ELAVL4: variants seen among roughly 807,000 people sequenced by gnomAD.
The protein encoded by ELAVL4 is ELAV-like protein 4.
ELAVL4 carries 1 observed loss-of-function variant against 35.6 expected under a neutral mutation model. The observed-to-expected ratio is 0.03, with a 90% confidence interval of 0.01 to 0.13. The LOEUF (loss-of-function observed/expected upper bound fraction) is 0.13. Among genes scored for constraint, ELAVL4 ranks in the 10% least tolerant of loss-of-function variants. The probability of loss-of-function intolerance (pLI) is 1.00; values close to 1 mark genes in which losing one functional copy is unlikely to be tolerated. For synonymous variants in ELAVL4, 156 were observed against 171.0 expected (o/e 0.91, Z 0.69); for missense variants, 267 against 464.9 (o/e 0.57, Z 3.91).
intron 2 of ELAVL4, among the ~76,000 whole-genome samples, chr1:50,175,116 T>G (rs1679762998): frequency 6.6e-6 from 1 of 152,214 alleles, no homozygotes; most frequent in Non-Finnish European, 1.5e-5. Context: ...GGTGAATGTT[T>G]TTAAAAAGTG....
intron 2 of ELAVL4, among the ~76,000 whole-genome samples, chr1:50,170,321 G>A (rs575323109): frequency 1.3e-5 from 2 of 152,262 alleles, no homozygotes; most frequent in East Asian, 1.9e-4. Flanking sequence ...GCAGAAAGAC[G>A]CAAAGTAAGA....
At chr1:50,088,903 T>A (rs549242538) in intron 1 of ELAVL4, among the ~76,000 whole-genome samples, 4 of 126,648 alleles carry the variant, frequency 3.2e-5, no homozygotes, top group Non-Finnish European at 4.9e-5. Context: ...GTGTTTCAGA[T>A]CCATTCAAAT....
Position 50,123,983 on chromosome 1 carries a change from A to G in ELAVL4, c.9+14785A>G, listed in dbSNP as rs959089100. Among the ~76,000 whole-genome samples, 8 of 152,108 alleles carry G rather than the reference A, an allele frequency of 5.3e-5. No individual in the cohort carries two copies. The East Asian group carries it at 1.2e-3, about 22-fold the overall frequency. ...TGCCTCAACAATCAGCACTGAGTTT[A>G]TCTTTATGCTTGGCACCAAGTAGGT... On this transcript the variant is annotated intron_variant, in intron 1 of 6. Transcript: ENST00000371824.
intron 1 of ELAVL4, among the ~76,000 whole-genome samples, chr1:50,072,201 T>C (rs1282535393): frequency 6.6e-6 from 1 of 152,114 alleles, no homozygotes; most frequent in Non-Finnish European, 1.5e-5. Flanking sequence ...AGTCCTGAAG[T>C]AAATGAATAA....
chr1:50,119,118 G>A (rs1668598792), intron 1 of ELAVL4, among the ~76,000 whole-genome samples: 2 of 151,702 alleles, frequency 1.3e-5, no homozygotes, highest in South Asian at 2.1e-4. Context: ...CTTTGCTATG[G>A]AACAGGCAGA....
intron 1 of ELAVL4, among the ~76,000 whole-genome samples, chr1:50,093,450 C>T (rs961061202): frequency 6.6e-6 from 1 of 152,198 alleles, no homozygotes; most frequent in East Asian, 1.9e-4. Flanking sequence ...TTAGGGTGCA[C>T]ATTGTTGCAT....
intron 1 of ELAVL4, chr1:50,048,243 C>T: frequency 1.4e-6 from 2 of 1,440,016 alleles, no homozygotes; most frequent in Non-Finnish European, 1.8e-6. Context: ...GTTACGGACA[C>T]CCGCTGGGCC....
intron 5 of ELAVL4, among the ~76,000 whole-genome samples, chr1:50,196,989 A>G (rs916570014): frequency 6.6e-6 from 1 of 152,228 alleles, no homozygotes; most frequent in Non-Finnish European, 1.5e-5. Flanking sequence ...TTAATGTAGC[A>G]AGGCTAACAG....
chr1:50,104,977 A>G (rs1350402621), upstream of ELAVL4, among the ~76,000 whole-genome samples: 2 of 152,220 alleles, frequency 1.3e-5, no homozygotes, highest in African/African-American at 4.8e-5. Context: ...ATCTTCGGGA[A>G]AAAGAACAGC....
chr1:50,096,308 T>C (rs141424948), intron 1 of ELAVL4, among the ~76,000 whole-genome samples: 21 of 150,954 alleles, frequency 1.4e-4, no homozygotes, highest in Admixed American at 8.0e-4. Context: ...AACAAGCTAG[T>C]ATGAAAGCTC....
intron 2 of ELAVL4, among the ~76,000 whole-genome samples, chr1:50,166,339 C>A (rs1010501262): frequency 3.3e-5 from 5 of 152,096 alleles, no homozygotes; most frequent in African/African-American, 1.2e-4. Context: ...AGAAACGCAC[C>A]CATCCCCAAC....
rs1668536815 is a variant in ELAVL4, at chr1:50,119,052, G to GAAAGA, written c.9+9857_9+9861dup. Among the ~76,000 whole-genome samples, 3 of 122,414 alleles carry GAAAGA rather than the reference G, an allele frequency of 2.5e-5. No individual in the cohort carries two copies. The South Asian group carries it at 8.6e-4, about 35-fold the overall frequency. The allele number at this position is 122,414 out of a possible 152,430, so 80.3% of individuals were successfully genotyped here. ...AAAGAAAGAAAAAGAAAGAAAGAAA[G>GAAAGA]AAAGAAAGAAAGAAAGAAAGAAAGA... On this transcript the variant is annotated intron_variant, in intron 1 of 6. Transcript: ENST00000371824.
chr1:50,054,764 C>A (rs757263901), intron 1 of ELAVL4, among the ~76,000 whole-genome samples: 3 of 152,124 alleles, frequency 2.0e-5, no homozygotes, highest in Admixed American at 6.5e-5. Flanking sequence ...TACTCTCTAC[C>A]CTTTTCCCAA....
intron 2 of ELAVL4, among the ~76,000 whole-genome samples, chr1:50,163,871 C>T (rs557302757): frequency 1.3e-5 from 2 of 152,230 alleles, no homozygotes; most frequent in East Asian, 3.9e-4. Flanking sequence ...CTCAAAGTCT[C>T]AGGCATACTA....
At chr1:50,086,688 C>T (rs1450580786) in intron 1 of ELAVL4, among the ~76,000 whole-genome samples, 1 of 152,088 alleles carries the variant, frequency 6.6e-6, no homozygotes, top group Non-Finnish European at 1.5e-5. Context: ...ATTTTCAGAG[C>T]TCTTCTTGCT....
intron 2 of ELAVL4, among the ~76,000 whole-genome samples, chr1:50,148,191 T>G (rs1437072108): frequency 6.6e-6 from 1 of 152,196 alleles, no homozygotes; most frequent in African/African-American, 2.4e-5. Context: ...AGCATAGTTA[T>G]TAGCAGGTGG....
chr1:50,150,237 C>T (rs1674538090), intron 2 of ELAVL4, among the ~76,000 whole-genome samples: 1 of 152,204 alleles, frequency 6.6e-6, no homozygotes, highest in Non-Finnish European at 1.5e-5. Context: ...TGGACAAAGA[C>T]AACATTTCCT....
At chr1:50,073,481 A>G (rs1191242526) in intron 1 of ELAVL4, among the ~76,000 whole-genome samples, 1 of 151,994 alleles carries the variant, frequency 6.6e-6, no homozygotes, top group East Asian at 1.9e-4. Flanking sequence ...TTTTTTTGGA[A>G]TAAATATTAT....
rs533507257 is a variant in ELAVL4, at chr1:50,116,421, T to C, written c.9+7223T>C. 4.2e-4 allele frequency among the ~76,000 whole-genome samples: 63 copies of C among 151,486 alleles called. 1 individual carries two copies. In the South Asian group the frequency reaches 8.8e-3, roughly 21 times the overall value. Reference sequence around the variant, plus strand: ...GTGTGTGTGTGTGTGTGCGTGTGTGTGTGTGTGTGTGTGTGTGTCATGTGT... The same window carrying C: ...GTGTGTGTGTGTGTGTGCGTGTGTGCGTGTGTGTGTGTGTGTGTCATGTGT... On this transcript the variant is annotated intron_variant, in intron 1 of 6. Coordinates refer to ENST00000371824, the MANE Select transcript of ELAVL4 (RefSeq NM_001144774.3).
Sources: gnomAD v4.1 joint callset for allele counts (sites outside exome capture counted in the v4.1 genomes callset) on GRCh38, gnomAD v4.1.1 for gene constraint, MANE v1.5 for transcripts, NCBI Gene and HGNC (gene_info 2026-07-23, HGNC 2026-07-21) for gene names.